The following TP63 variants were observed in gnomAD, a reference collection of about 807,000 sequenced individuals.
TP63 encodes tumor protein 63.
TP63 carries 17 observed loss-of-function variants against 82.8 expected under a neutral mutation model. That is an observed-to-expected ratio of 0.21 (90% confidence interval 0.14 to 0.31). The LOEUF is 0.31. Ranked by LOEUF, TP63 falls within the 10% of genes least tolerant of loss-of-function variation. The probability of loss-of-function intolerance (pLI) is 1.00; values close to 1 mark genes in which losing one functional copy is unlikely to be tolerated. For synonymous variants in TP63, 330 were observed against 321.7 expected, an observed-to-expected ratio of 1.03 and a Z score of -0.28; for missense variants, 648 against 895.3, an observed-to-expected ratio of 0.72 and a Z score of 3.52.
At chr3:189,681,691 CT>C (rs1438515983) in intron 1 of TP63, among the ~76,000 whole-genome samples, 2 of 152,128 alleles carry the variant, frequency 1.3e-5, no homozygotes, top group Admixed American at 6.5e-5. Context: ...CCTCCTCCTC[CT>C]TTTTTTCTAC....
chr3:189,834,148 T>C (rs569481320), intron 4 of TP63, among the ~76,000 whole-genome samples: 1 of 152,276 alleles, frequency 6.6e-6, no homozygotes, highest in South Asian at 2.1e-4. Flanking sequence ...GAGAGCTCAG[T>C]TGAGACTTGT....
intron 1 of TP63, among the ~76,000 whole-genome samples, chr3:189,720,841 A>C (rs1719337097): frequency 6.6e-6 from 1 of 152,122 alleles, no homozygotes; most frequent in Admixed American, 6.6e-5. Context: ...ATCTCCTAAC[A>C]GACTCAGCCA....
intron 3 of TP63, among the ~76,000 whole-genome samples, chr3:189,760,240 C>G (rs932919564): frequency 2.0e-5 from 3 of 152,184 alleles, no homozygotes; most frequent in Non-Finnish European, 4.4e-5. Flanking sequence ...CAACTCCTTT[C>G]TGCATTAACT....
upstream of TP63, among the ~76,000 whole-genome samples, chr3:189,628,032 C>G (rs549377610): frequency 3.3e-5 from 5 of 152,058 alleles, no homozygotes; most frequent in African/African-American, 4.8e-5. Flanking sequence ...CCTGAAAACA[C>G]AGAGATGAAT....
intron 1 of TP63, among the ~76,000 whole-genome samples, chr3:189,735,231 G>A (rs1720490981): frequency 1.3e-5 from 2 of 152,156 alleles, no homozygotes; most frequent in African/African-American, 4.8e-5. Flanking sequence ...AGCCCCACGT[G>A]CCTTTTCTCA....
chr3:189,781,290 G>C (rs1332801402), intron 3 of TP63, among the ~76,000 whole-genome samples: 1 of 152,120 alleles, frequency 6.6e-6, no homozygotes, highest in East Asian at 1.9e-4. Context: ...TAGTGAAAAC[G>C]GGGTTCTTGG....
chr3:189,747,512 A>G (rs950807064), intron 3 of TP63, among the ~76,000 whole-genome samples: 9 of 152,134 alleles, frequency 5.9e-5, no homozygotes, highest in Non-Finnish European at 7.4e-5. Context: ...GAAAGAGGAA[A>G]TTAAAAAATT....
At position 189,889,405 on chromosome 3, in the gene TP63, C is replaced by T. The variant is rs1323039634; in HGVS notation, c.1573C>T (p.Leu525Phe). The change falls in exon 12 of 14, where the codon CTC becomes TTC. Residue 525 changes from leucine to phenylalanine, a missense_variant. By Grantham distance (22) the Leu-to-Phe change is conservative. Coordinates refer to ENST00000264731, the MANE Select transcript of TP63 (RefSeq NM_003722.5). ...GAATGGACTCAGCCCCACCCAGGCA[C>T]TCCCTCCCCCACTCTCCATGCCATC... ...DMNGLSPTQALPPPLSMPSTS... is the reference protein window; with the variant it reads ...DMNGLSPTQAFPPPLSMPSTS... 11 of 1,614,000 alleles carry T rather than the reference C, an allele frequency of 6.8e-6. No individual in the cohort carries two copies. The East Asian group carries it at 8.9e-5, about 13-fold the overall frequency.
chr3:189,814,836 C>G (rs1404000579), intron 4 of TP63, among the ~76,000 whole-genome samples: 1 of 152,236 alleles, frequency 6.6e-6, no homozygotes, highest in Non-Finnish European at 1.5e-5. Flanking sequence ...TTAATCTAAT[C>G]TAAGGCTTAT....
intron 3 of TP63, among the ~76,000 whole-genome samples, chr3:189,783,826 G>A (rs540672341): frequency 6.6e-6 from 1 of 151,940 alleles, no homozygotes; most frequent in East Asian, 1.9e-4. Flanking sequence ...TGCTGTAGTA[G>A]TTAGCCTCAT....
chr3:189,863,737 A>G (rs1351617935), intron 4 of TP63, among the ~76,000 whole-genome samples: 2 of 84,576 alleles, frequency 2.4e-5, no homozygotes, highest in African/African-American at 1.1e-4. Context: ...TCTAACAGAT[A>G]TTCCATCTTA....
chr3:189,745,278 A>T (rs1207056150), intron 3 of TP63, among the ~76,000 whole-genome samples: 1 of 152,240 alleles, frequency 6.6e-6, no homozygotes, highest in Non-Finnish European at 1.5e-5. Flanking sequence ...CCCAGTAAAA[A>T]TTATTAAATT....
chr3:189,737,508 T>C (rs1720681974), intron 1 of TP63, among the ~76,000 whole-genome samples: 1 of 152,184 alleles, frequency 6.6e-6, no homozygotes, highest in African/African-American at 2.4e-5. Context: ...AGAGCTTTGA[T>C]AGAAGACAAG....
chr3:189,636,866 T>C (rs34951828), intron 1 of TP63, among the ~76,000 whole-genome samples: 17,541 of 152,166 alleles, frequency 0.12, 1,363 homozygotes, highest in East Asian at 0.38. Context: ...AATGAAAATA[T>C]AGCAGGCTTA....
intron 1 of TP63, among the ~76,000 whole-genome samples, chr3:189,690,565 A>G (rs189320964): frequency 1.1e-3 from 172 of 152,306 alleles, no homozygotes; most frequent in African/African-American, 3.9e-3. Flanking sequence ...ATTTTGAAGA[A>G]CTTCCTATAG....
intron 1 of TP63, among the ~76,000 whole-genome samples, chr3:189,657,701 G>A (rs369129951): frequency 3.4e-4 from 52 of 152,118 alleles, no homozygotes; most frequent in African/African-American, 1.2e-3. Context: ...TGATTCATGT[G>A]GTAATGGATT....
the TP63 span, among the ~76,000 whole-genome samples, chr3:189,625,453 T>TAA: frequency 8.6e-3 from 1,285 of 149,554 alleles, 3 homozygotes; most frequent in Non-Finnish European, 0.013. Flanking sequence ...TAAAAGATAC[T>TAA]AAAAAAAAAA....
At chr3:189,843,564 A>G (rs991619543) in intron 4 of TP63, among the ~76,000 whole-genome samples, 1 of 152,166 alleles carries the variant, frequency 6.6e-6, no homozygotes, top group Non-Finnish European at 1.5e-5. Context: ...GGCAGGGAGA[A>G]GTAAATACCT....
At position 189,667,511 on chromosome 3, in the gene TP63, G is replaced by A. The variant is rs111605164; in HGVS notation, c.62+35934G>A. Among the ~76,000 whole-genome samples, 334 of 152,194 alleles carry A rather than the reference G, an allele frequency of 2.2e-3. 2 individuals are homozygous for A. The highest frequency in any genetic ancestry group is 7.8e-3 in the African/African-American group (326 of 41,550). Reference sequence around the variant, plus strand: ...GTAGAATCTGTGGACTAGGGCACCAGAGAGCAGGGAGCTAATTTGAGTAGG... The same window carrying A: ...GTAGAATCTGTGGACTAGGGCACCAAAGAGCAGGGAGCTAATTTGAGTAGG... On this transcript the variant is annotated intron_variant, in intron 1 of 13. Coordinates refer to ENST00000264731, the MANE Select transcript of TP63 (RefSeq NM_003722.5).
Sources: gnomAD v4.1 joint callset for allele counts (sites outside exome capture counted in the v4.1 genomes callset) on GRCh38, gnomAD v4.1.1 for gene constraint, MANE v1.5 for transcripts, NCBI Gene and HGNC (gene_info 2026-07-23, HGNC 2026-07-21) for gene names.